CAST: variants seen among roughly 807,000 people sequenced by gnomAD.
The protein encoded by CAST is calpastatin.
CAST carries 76 observed loss-of-function variants against 119.6 expected under a neutral mutation model. That is an observed-to-expected ratio of 0.64 (90% CI 0.53 to 0.77). The LOEUF (loss-of-function observed/expected upper bound fraction) is 0.77. CAST is among the 30% of genes least tolerant of loss of function. The probability of loss-of-function intolerance (pLI) is 0.00; values close to 1 mark genes in which losing one functional copy is unlikely to be tolerated. For missense variants in CAST, 953 were observed against 946.5 expected (o/e 1.01, Z -0.09); for synonymous variants, 319 against 331.6 (o/e 0.96, Z 0.41).
the CAST span, among the ~76,000 whole-genome samples, chr5:95,982,910 G>T: frequency 4.6e-5 from 7 of 152,010 alleles, no homozygotes; most frequent in Admixed American, 1.3e-4. Context: ...TATTTATAAT[G>T]ATCAAAAAGC....
chr5:96,765,846 A>T (rs917238056), intron 26 of CAST, among the ~76,000 whole-genome samples: 3 of 152,230 alleles, frequency 2.0e-5, no homozygotes, highest in African/African-American at 7.2e-5. Context: ...ATATGAATTG[A>T]CATACAGAAG....
the CAST span, among the ~76,000 whole-genome samples, chr5:96,296,222 G>A: frequency 2.0e-4 from 30 of 152,064 alleles, no homozygotes; most frequent in African/African-American, 6.8e-4. Flanking sequence ...TACATTCTCC[G>A]GCCTGGTTAG....
At chr5:96,224,126 A>G in the CAST span, among the ~76,000 whole-genome samples, 1 of 152,356 alleles carries the variant, frequency 6.6e-6, no homozygotes, top group Middle Eastern at 3.4e-3. Context: ...AAGCTCAACT[A>G]GAAGTCCTAA....
chr5:96,346,557 G>A, the CAST span, among the ~76,000 whole-genome samples: 112 of 152,154 alleles, frequency 7.4e-4, no homozygotes, highest in Non-Finnish European at 1.3e-3. Flanking sequence ...TCCTGGATTC[G>A]TATATTCTAC....
intron 3 of CAST, among the ~76,000 whole-genome samples, chr5:96,696,987 C>T (rs1230101752): frequency 6.6e-6 from 1 of 151,808 alleles, no homozygotes; most frequent in Non-Finnish European, 1.5e-5. Context: ...ATGGTGAAAC[C>T]CCATCTCTAC....
At chr5:96,067,045 A>G in the CAST span, among the ~76,000 whole-genome samples, 1 of 152,060 alleles carries the variant, frequency 6.6e-6, no homozygotes, top group Non-Finnish European at 1.5e-5. Flanking sequence ...TTCATTTTCT[A>G]TCTACTTTAG....
upstream of CAST, chr5:96,662,116 T>C (rs1748582681): frequency 3.2e-6 from 1 of 315,682 alleles, no homozygotes; most frequent in Admixed American, 5.1e-5. Context: ...AACCCCTTCT[T>C]TCTGACCAAC....
At chr5:96,743,669 G>T in intron 16 of CAST, 1 of 1,613,386 alleles carries the variant, frequency 6.2e-7, no homozygotes, top group Non-Finnish European at 8.5e-7. Flanking sequence ...GGGCTCACCG[G>T]CCACAGTGTG....
chr5:96,509,504 C>A, the CAST span, among the ~76,000 whole-genome samples: 2 of 152,128 alleles, frequency 1.3e-5, no homozygotes, highest in Admixed American at 1.3e-4. Context: ...AAGTTGTTAC[C>A]TCGACAACAA....
the CAST span, among the ~76,000 whole-genome samples, chr5:95,986,846 G>T: frequency 6.6e-6 from 1 of 152,144 alleles, no homozygotes; most frequent in Non-Finnish European, 1.5e-5. Flanking sequence ...ATGATTGTAA[G>T]CATCTATTAT....
At chr5:96,686,763 A>G (rs994733435) in intron 2 of CAST, among the ~76,000 whole-genome samples, 1 of 152,252 alleles carries the variant, frequency 6.6e-6, no homozygotes, top group Non-Finnish European at 1.5e-5. Context: ...TTACACAAAA[A>G]GAGATAAGTT....
chr5:96,353,235 G>A, the CAST span, among the ~76,000 whole-genome samples: 2 of 152,066 alleles, frequency 1.3e-5, no homozygotes, highest in Non-Finnish European at 2.9e-5. Flanking sequence ...TTTTAGATGG[G>A]GGATGTAGGA....
chr5:96,613,631 C>T (rs1162940145), intron 1 of CAST, among the ~76,000 whole-genome samples: 1 of 151,820 alleles, frequency 6.6e-6, no homozygotes, highest in Non-Finnish European at 1.5e-5. Context: ...ACCTCCAATC[C>T]ATACTCTGTC....
At chr5:96,316,917 C>T in the CAST span, among the ~76,000 whole-genome samples, 1 of 152,148 alleles carries the variant, frequency 6.6e-6, no homozygotes, top group African/African-American at 2.4e-5. Flanking sequence ...CCGAATATTA[C>T]ACATAAGATC....
chr5:96,060,607 A>T, the CAST span, among the ~76,000 whole-genome samples: 5 of 152,224 alleles, frequency 3.3e-5, no homozygotes, highest in Non-Finnish European at 7.4e-5. Flanking sequence ...TAACTGAGTG[A>T]TATAAAAGGC....
chr5:96,603,697 T>C (rs1683059965), intron 1 of CAST, among the ~76,000 whole-genome samples: 1 of 150,426 alleles, frequency 6.6e-6, no homozygotes, highest in African/African-American at 2.4e-5. Flanking sequence ...AGCAAATACA[T>C]AAACGTGTTA....
chr5:96,117,042 G>C, the CAST span, among the ~76,000 whole-genome samples: 10 of 152,200 alleles, frequency 6.6e-5, no homozygotes, highest in African/African-American at 2.4e-4. Flanking sequence ...TCACCCTGAA[G>C]CCTTTGTTAA....
the CAST span, among the ~76,000 whole-genome samples, chr5:96,034,506 CAT>C: frequency 6.7e-5 from 8 of 118,712 alleles, no homozygotes; most frequent in Admixed American, 9.0e-5. Flanking sequence ...CACACACACA[CAT>C]ATGTGTGTGT....
chr5:96,667,709 A>G (rs1446789417), intron 1 of CAST, among the ~76,000 whole-genome samples: 1 of 148,110 alleles, frequency 6.8e-6, no homozygotes, highest in Non-Finnish European at 1.5e-5. Flanking sequence ...ATTAGTACAC[A>G]GAATAAGAGA....
Sources: allele counts gnomAD v4.1 joint callset (sites outside exome capture counted in the v4.1 genomes callset), GRCh38; gene constraint gnomAD v4.1.1; transcripts MANE v1.5; gene names NCBI Gene and HGNC (gene_info 2026-07-23, HGNC 2026-07-21).